The following UTS2B variants were observed in gnomAD, a reference collection of about 807,000 sequenced individuals.
UTS2B encodes the protein urotensin-2B.
A neutral mutation model predicts 19.2 loss-of-function variants in UTS2B; 21 were observed. That is an observed-to-expected ratio of 1.09 (90% CI 0.78 to 1.58). The LOEUF is 1.58. Ranked by LOEUF, UTS2B falls within the 40% of genes most tolerant of loss-of-function variation. UTS2B has a pLI of 0.00. For synonymous variants in UTS2B, 57 were observed against 50.2 expected (o/e 1.14, Z -0.58); for missense variants, 138 against 130.3 (o/e 1.06, Z -0.29).
chr3:191,329,741 A>G, intron 1 of UTS2B: 1 of 1,606,206 alleles, frequency 6.2e-7, no homozygotes, highest in Non-Finnish European at 8.5e-7. Context: ...CCCCGGAGGG[A>G]GAGCGCGCGG....
intron 4 of UTS2B, among the ~76,000 whole-genome samples, chr3:191,288,093 C>T (rs181038275): frequency 1.5e-3 from 227 of 152,170 alleles, no homozygotes; most frequent in African/African-American, 5.3e-3. Flanking sequence ...GGTAAAAGAC[C>T]TGTATACTGA....
At chr3:191,313,592 A>G (rs1717361830) in intron 3 of UTS2B, among the ~76,000 whole-genome samples, 1 of 152,158 alleles carries the variant, frequency 6.6e-6, no homozygotes, top group African/African-American at 2.4e-5. Flanking sequence ...AGTTCTCTTT[A>G]AGTCAATAGA....
chr3:191,306,457 C>A (rs1171961934), intron 3 of UTS2B, among the ~76,000 whole-genome samples: 1 of 152,058 alleles, frequency 6.6e-6, no homozygotes. Flanking sequence ...TCATTTTAAT[C>A]CCTCCTTCCC....
upstream of UTS2B, among the ~76,000 whole-genome samples, chr3:191,335,070 A>G (rs1369798216): frequency 2.0e-5 from 3 of 152,200 alleles, no homozygotes; most frequent in Admixed American, 6.5e-5. Context: ...TGGAGAAATA[A>G]AGTCATAGGC....
At chr3:191,331,167 AG>A (rs1717970326), upstream of UTS2B, among the ~76,000 whole-genome samples, 1 of 152,152 alleles carries the variant, frequency 6.6e-6, no homozygotes, top group African/African-American at 2.4e-5. Flanking sequence ...TTGTCTCTAG[AG>A]AAAGAGTGAT....
intron 4 of UTS2B, among the ~76,000 whole-genome samples, chr3:191,300,666 T>A (rs773403364): frequency 3.9e-5 from 6 of 152,190 alleles, no homozygotes; most frequent in Non-Finnish European, 7.3e-5. Context: ...CAAATTGTCA[T>A]CTCCAGTGTT....
At chr3:191,280,453 A>C (rs1214254331) in intron 5 of UTS2B, among the ~76,000 whole-genome samples, 1 of 152,184 alleles carries the variant, frequency 6.6e-6, no homozygotes, top group Non-Finnish European at 1.5e-5. Flanking sequence ...TTTTAAAATT[A>C]TATTAGAAGA....
In UTS2B at chr3:191,329,811, C is replaced by T. The variant is rs1717889323; in HGVS notation, c.-665+603G>A. 2.8e-6 allele frequency: 4 copies of T among 1,408,006 alleles called. No individual in the cohort carries two copies. In the Admixed American group the frequency reaches 6.1e-5, roughly 22 times the overall value. The allele number at this position is 1,408,006 out of a possible 1,614,324, so 87.2% of individuals were successfully genotyped here. ...GTCAGGGGCGTTGCCATTTCGGCTC[C>T]CGCGGCCCTCGCCCGGTGCCCGCCC... On this transcript the variant is annotated intron_variant, in intron 1 of 8. Transcript: ENST00000340524.
the UTS2B span, among the ~76,000 whole-genome samples, chr3:191,338,590 CTGT>C: frequency 6.6e-6 from 1 of 152,210 alleles, no homozygotes; most frequent in Non-Finnish European, 1.5e-5. Context: ...ATGTTTGCTT[CTGT>C]TGTTTTCCCA....
rs577070636 is a variant in UTS2B at position 191,301,953 on chromosome 3, A to T, written c.-125+2539T>A. Among the ~76,000 whole-genome samples, 4 of 152,228 alleles carry T rather than the reference A, an allele frequency of 2.6e-5. No homozygotes were observed. The East Asian group carries it at 7.7e-4, about 29-fold the overall frequency. Reference sequence around the variant, plus strand: ...CTTGTGTCAGAGGCATTTGAAACAGAGTGACATCATCTTGAATAGGGGCTG... The same window carrying T: ...CTTGTGTCAGAGGCATTTGAAACAGTGTGACATCATCTTGAATAGGGGCTG... On this transcript the variant is annotated intron_variant, in intron 4 of 8. Coordinates refer to ENST00000340524, the MANE Select transcript of UTS2B (RefSeq NM_198152.5).
At chr3:191,331,575 A>G (rs568771913), upstream of UTS2B, among the ~76,000 whole-genome samples, 15 of 152,308 alleles carry the variant, frequency 9.8e-5, no homozygotes, top group African/African-American at 3.6e-4. Flanking sequence ...AGTTACAATT[A>G]AATATTAATT....
At chr3:191,270,827 G>T (rs561530813) in intron 8 of UTS2B, among the ~76,000 whole-genome samples, 17 of 152,174 alleles carry the variant, frequency 1.1e-4, no homozygotes, top group African/African-American at 3.9e-4. Context: ...ATCAGAAATT[G>T]ACCCTTCTGC....
intron 4 of UTS2B, among the ~76,000 whole-genome samples, chr3:191,289,319 G>A (rs1716643963): frequency 6.6e-6 from 1 of 151,834 alleles, no homozygotes; most frequent in Non-Finnish European, 1.5e-5. Flanking sequence ...TGAGGCAGGA[G>A]AATGGCGTAA....
chr3:191,334,972 A>C (rs61177977), upstream of UTS2B, among the ~76,000 whole-genome samples: 13,151 of 152,198 alleles, frequency 0.086, 641 homozygotes, highest in East Asian at 0.21. Context: ...TTCTACCTGA[A>C]AAGTCTTGCA....
At chr3:191,286,935 G>T (rs561463166) in intron 4 of UTS2B, among the ~76,000 whole-genome samples, 8 of 151,392 alleles carry the variant, frequency 5.3e-5, no homozygotes, top group Non-Finnish European at 7.4e-5. Flanking sequence ...AAAAAAAATT[G>T]ATACCACAGA....
chr3:191,312,321 G>A (rs1437746296), intron 3 of UTS2B, among the ~76,000 whole-genome samples: 3 of 152,118 alleles, frequency 2.0e-5, no homozygotes, highest in Non-Finnish European at 4.4e-5. Context: ...GAGAGTCAAG[G>A]ATCCTGAGGA....
chr3:191,286,578 G>A (rs142894559), intron 4 of UTS2B, among the ~76,000 whole-genome samples: 1 of 152,100 alleles, frequency 6.6e-6, no homozygotes, highest in African/African-American at 2.4e-5. Context: ...AAATGAAAAT[G>A]GACACATGAT....
intron 5 of UTS2B, among the ~76,000 whole-genome samples, chr3:191,279,456 A>C (rs1488569469): frequency 6.6e-6 from 1 of 152,044 alleles, no homozygotes; most frequent in African/African-American, 2.4e-5. Context: ...TGAAAAAAGA[A>C]GGGATATTTC....
chr3:191,278,343 A>T (rs894012915), intron 5 of UTS2B, among the ~76,000 whole-genome samples, 173 bp from the exon 6 acceptor site: 1 of 151,984 alleles, frequency 6.6e-6, no homozygotes, highest in African/African-American at 2.4e-5. Flanking sequence ...ATATTGAATG[A>T]ATATGGACAG....
Sources: gnomAD v4.1 joint callset for allele counts (sites outside exome capture counted in the v4.1 genomes callset) on GRCh38, gnomAD v4.1.1 for gene constraint, MANE v1.5 for transcripts, NCBI Gene and HGNC (gene_info 2026-07-23, HGNC 2026-07-21) for gene names.